Variants in NKAIN3 observed in about 807,000 individuals in gnomAD.
The protein encoded by NKAIN3 is sodium/potassium-transporting ATPase subunit beta-1-interacting protein 3.
A neutral mutation model predicts 30.2 loss-of-function variants in NKAIN3; 25 were observed. The ratio of observed to expected loss-of-function variants is 0.83; its 90% confidence interval spans 0.60 to 1.16. NKAIN3 has a LOEUF of 1.16. Among genes scored for constraint, NKAIN3 ranks in the 50% most tolerant of loss-of-function variants. The pLI is 0.00. For missense variants in NKAIN3, 225 were observed against 254.1 expected, an observed-to-expected ratio of 0.89 and a Z score of 0.78; for synonymous variants, 91 against 89.6, an observed-to-expected ratio of 1.02 and a Z score of -0.09.
In NKAIN3 at chr8:62,819,896, A is replaced by G. The variant is rs141788449; in HGVS notation, c.471+72767A>G. On this transcript the variant is annotated intron_variant, in intron 4 of 6. Transcript: ENST00000623646. The stretch of plus-strand genomic sequence containing the variant: ...TAAATACATTTTGCTTTTTAAAAAT[A>G]AGCAAAATATAAAATGTTTGGAGCT... Among the ~76,000 whole-genome samples, 796 of 152,280 alleles carry G rather than the reference A, an allele frequency of 5.2e-3. 5 individuals carry two copies. Among genetic ancestry groups the G allele is most frequent in the African/African-American group, 0.017 (727 of 41,578 alleles).
intron 4 of NKAIN3, among the ~76,000 whole-genome samples, chr8:62,781,346 C>T (rs548027035): frequency 6.6e-6 from 1 of 151,720 alleles, no homozygotes; most frequent in East Asian, 1.9e-4. Context: ...ATTAATCATA[C>T]CACCCAAAGG....
intron 1 of NKAIN3, among the ~76,000 whole-genome samples, chr8:62,419,662 T>C (rs1016978470): frequency 3.3e-5 from 5 of 152,194 alleles, no homozygotes; most frequent in Non-Finnish European, 7.3e-5. Flanking sequence ...TCTGCTCTCA[T>C]GGCTACTCTA....
chr8:62,619,315 T>C (rs1010895605), intron 3 of NKAIN3, among the ~76,000 whole-genome samples: 6 of 152,182 alleles, frequency 3.9e-5, no homozygotes, highest in African/African-American at 1.4e-4. Flanking sequence ...TTAAGTCTGA[T>C]AAGAAATATT....
chr8:62,475,152 A>C (rs2129600259), intron 1 of NKAIN3, among the ~76,000 whole-genome samples: 1 of 152,306 alleles, frequency 6.6e-6, no homozygotes, highest in Admixed American at 6.5e-5. Flanking sequence ...GAATAAAGAC[A>C]ATGTGTTCCA....
intron 1 of NKAIN3, among the ~76,000 whole-genome samples, chr8:62,321,609 G>T (rs192410405): frequency 7.2e-5 from 11 of 152,320 alleles, no homozygotes; most frequent in Non-Finnish European, 1.3e-4. Flanking sequence ...GACCCTGTTT[G>T]CCTGGGTATC....
At chr8:62,706,993 G>C (rs536542550) in intron 3 of NKAIN3, among the ~76,000 whole-genome samples, 1 of 151,614 alleles carries the variant, frequency 6.6e-6, no homozygotes, top group South Asian at 2.1e-4. Context: ...TCTCATCCAG[G>C]TCACTGCAAA....
rs973473230 is a variant in NKAIN3 at position 62,473,346 on chromosome 8, A to G, written c.55-106193A>G. ...TTATCATTTTCATTTATTTGGCAGC[A>G]ATAGAAAAATCTTATTCGTTTCACT... On this transcript the variant is annotated intron_variant, in intron 1 of 6. Transcript: ENST00000623646. 2.0e-5 allele frequency: 3 copies of G among 152,330 alleles called. No homozygotes were observed. The South Asian group carries it at 6.2e-4, about 32-fold the overall frequency. The allele number at this position is 152,330 out of a possible 1,614,324, so 9.4% of individuals were successfully genotyped here.
chr8:62,411,994 C>T (rs184982025), intron 1 of NKAIN3, among the ~76,000 whole-genome samples: 1 of 152,084 alleles, frequency 6.6e-6, no homozygotes, highest in Non-Finnish European at 1.5e-5. Flanking sequence ...AAACAATTTA[C>T]AGATTCAATG....
rs545792575 is a variant in NKAIN3 at position 62,572,827 on chromosome 8, G to A, written c.55-6712G>A. On this transcript the variant is annotated intron_variant, in intron 1 of 6. Transcript: ENST00000623646. ...TCTCCCACTAGGTTCCTCCAACAAC[G>A]TGGGAATTATGGGAGCTACAAGATG... Among the ~76,000 whole-genome samples the A allele has an allele frequency of 1.6e-4, 24 of 152,258 alleles. No individual in the cohort carries two copies. The East Asian group carries it at 3.5e-3, about 22-fold the overall frequency.
intron 1 of NKAIN3, among the ~76,000 whole-genome samples, chr8:62,383,005 A>G (rs1817322961): frequency 6.6e-6 from 1 of 152,022 alleles, no homozygotes. Flanking sequence ...AATCCTTTCC[A>G]TAGTGTACCA....
chr8:62,693,910 A>G (rs1317685060), intron 3 of NKAIN3, among the ~76,000 whole-genome samples: 6 of 151,474 alleles, frequency 4.0e-5, no homozygotes, highest in Admixed American at 2.6e-4. Context: ...ATCCTAGACA[A>G]CAAAAAAGAA....
intron 1 of NKAIN3, among the ~76,000 whole-genome samples, chr8:62,344,231 T>C (rs1367166512): frequency 1.3e-5 from 2 of 152,068 alleles, no homozygotes; most frequent in Non-Finnish European, 2.9e-5. Flanking sequence ...ACATTAAATG[T>C]CAGGTAGCCC....
chr8:62,489,678 A>G (rs536640301), intron 1 of NKAIN3, among the ~76,000 whole-genome samples: 1 of 152,378 alleles, frequency 6.6e-6, no homozygotes, highest in South Asian at 2.1e-4. Context: ...CCTAACAAGT[A>G]TCAATGAGGA....
chr8:62,966,682 T>C lies in NKAIN3; in HGVS notation c.*1275T>C, dbSNP rs11998097. Among the ~76,000 whole-genome samples the C allele has an allele frequency of 0.17, 25,621 of 152,158 alleles. 2,394 individuals carry two copies. Among genetic ancestry groups the C allele is most frequent in the African/African-American group, 0.23 (9,468 of 41,512 alleles). On this transcript the variant is annotated 3_prime_UTR_variant, in exon 7 of 7. Coordinates refer to ENST00000623646, the MANE Select transcript of NKAIN3 (RefSeq NM_001304533.3). ...ATATAAAATATATACACTTTTCACA[T>C]CACTTTTGCCCACACTTCTCAATCA...
intron 1 of NKAIN3, among the ~76,000 whole-genome samples, chr8:62,293,891 C>T (rs893872106): frequency 2.0e-5 from 3 of 152,186 alleles, no homozygotes; most frequent in Non-Finnish European, 4.4e-5. Context: ...CCACCCAGTT[C>T]GAGCTTCCAG....
chr8:62,767,364 G>A (rs1816873150), intron 4 of NKAIN3, among the ~76,000 whole-genome samples: 1 of 152,130 alleles, frequency 6.6e-6, no homozygotes, highest in Admixed American at 6.5e-5. Flanking sequence ...TGCTGAATTA[G>A]GAGGGCATAC....
Position 62,885,723 on chromosome 8 carries a change from A to G in NKAIN3, c.472-32730A>G, listed in dbSNP as rs1387881124. 2.6e-5 allele frequency among the ~76,000 whole-genome samples: 4 copies of G among 152,126 alleles called. No homozygotes were observed. In the East Asian group the frequency reaches 7.7e-4, roughly 29 times the overall value. On this transcript the variant is annotated intron_variant, in intron 4 of 6. Transcript: ENST00000623646. Reference sequence around the variant, plus strand: ...TTCCTGGGGAAGTGATCCCTTTGTGATTATGTAATGTCGAACTTTATCCCT... The same window carrying G: ...TTCCTGGGGAAGTGATCCCTTTGTGGTTATGTAATGTCGAACTTTATCCCT...
At chr8:62,760,518 T>A (rs1006770143) in intron 4 of NKAIN3, among the ~76,000 whole-genome samples, 3 of 150,630 alleles carry the variant, frequency 2.0e-5, no homozygotes, top group African/African-American at 7.3e-5. Context: ...CAGCAAACTA[T>A]CGCAAGGACA....
chr8:62,318,083 G>C (rs918300233), intron 1 of NKAIN3, among the ~76,000 whole-genome samples: 1 of 152,120 alleles, frequency 6.6e-6, no homozygotes, highest in Non-Finnish European at 1.5e-5. Context: ...CTGTTTGTCT[G>C]TTATGGGTGT....
Sources: gnomAD v4.1 joint callset for allele counts (sites outside exome capture counted in the v4.1 genomes callset) on GRCh38, gnomAD v4.1.1 for gene constraint, MANE v1.5 for transcripts, NCBI Gene and HGNC (gene_info 2026-07-23, HGNC 2026-07-21) for gene names.